CDHR1: variants seen among roughly 807,000 people sequenced by gnomAD.
The protein encoded by CDHR1 is cadherin-related family member 1.
Under a neutral mutation model 72.1 loss-of-function variants are expected in CDHR1, and 61 were observed. The ratio of observed to expected loss-of-function variants is 0.85; its 90% confidence interval spans 0.69 to 1.05. The LOEUF (loss-of-function observed/expected upper bound fraction) is 1.05, where lower values mean the gene tolerates loss of function less well. Ranked by LOEUF, CDHR1 falls within the 50% of genes least tolerant of loss-of-function variation. The pLI is 0.00. For synonymous variants in CDHR1, 470 were observed against 448.1 expected (o/e 1.05, Z -0.62); for missense variants, 1,186 against 1,115.7 (o/e 1.06, Z -0.90).
chr10:84,196,786 A>T (rs1842038036), intron 3 of CDHR1, 136 bp downstream of exon 3: 1 of 985,316 alleles, frequency 1.0e-6, no homozygotes. Flanking sequence ...AGGCACATCC[A>T]CTCTGTGAGA....
Position 84,194,669 on chromosome 10 carries a change from T to A in CDHR1, c.-92T>A. On this transcript the variant is annotated 5_prime_UTR_variant, in exon 1 of 17. Transcript: ENST00000623527. Reference sequence around the variant, plus strand: ...GCTGCAGTCGCCGCTACCCCCATTGTGGTCTCTGCCCTCCCCGCGGGCCCA... The same window carrying A: ...GCTGCAGTCGCCGCTACCCCCATTGAGGTCTCTGCCCTCCCCGCGGGCCCA... 5 of 1,014,440 alleles carry A rather than the reference T, an allele frequency of 4.9e-6. No individual in the cohort carries two copies. Among genetic ancestry groups the A allele is most frequent in the Middle Eastern group, 3.3e-4 (1 of 3,004 alleles). The allele number at this position is 1,014,440 out of a possible 1,614,324, so 62.8% of individuals were successfully genotyped here.
intron 16 of CDHR1, 139 bp downstream of exon 16, chr10:84,213,487 C>T: frequency 8.8e-7 from 1 of 1,142,242 alleles, no homozygotes. Context: ...CCTGTGCCAT[C>T]AAACACACAG....
At position 84,203,069 on chromosome 10, in the gene CDHR1, C is replaced by G. The variant is rs972006404; in HGVS notation, c.729C>G (p.Ala243=). The G allele has an allele frequency of 6.2e-7, 1 of 1,614,176 alleles. No homozygotes were observed. Among genetic ancestry groups the G allele is most frequent in the South Asian group, 1.1e-5 (1 of 91,086 alleles). ...ATGTGGAGGATGTTCAGGACATGGC[C>G]CCTGTCTTCGTGGGCACACCCTACT... ...TVNVEDVQDM[A]PVFVGTPYYG... Residue 243 remains alanine, a synonymous_variant, in exon 8 of 17, where the codon GCC becomes GCG. Transcript: ENST00000623527.
At chr10:84,199,567 T>C (rs1842086871) in intron 5 of CDHR1, among the ~76,000 whole-genome samples, 1 of 152,246 alleles carries the variant, frequency 6.6e-6, no homozygotes, top group South Asian at 2.1e-4. Flanking sequence ...TGGGTAACTA[T>C]CATTTTAATA....
chr10:84,205,417 CTCCTCTCTTTATTCCCTCCCTCCTG>C (rs1406096206), intron 9 of CDHR1, among the ~76,000 whole-genome samples: 1 of 151,904 alleles, frequency 6.6e-6, no homozygotes, highest in Non-Finnish European at 1.5e-5. Flanking sequence ...CACCCTCCCT[CTCCTCTCTTTATTCCCTCCCTCCTG>C]TCCCTTCTTT....
At chr10:84,202,103 G>T (rs1842138637) in intron 7 of CDHR1, among the ~76,000 whole-genome samples, 183 bp downstream of exon 7, 1 of 152,178 alleles carries the variant, frequency 6.6e-6, no homozygotes, top group Non-Finnish European at 1.5e-5. Context: ...GCTGGGGTCT[G>T]TGGGCTGTGG....
chr10:84,208,214 C>G lies in CDHR1; in HGVS notation c.1004C>G (p.Ala335Gly). The G allele has an allele frequency of 6.2e-7, 1 of 1,614,156 alleles. No homozygotes were observed. The highest frequency in any genetic ancestry group is 8.5e-7 in the Non-Finnish European group (1 of 1,180,020). The change falls in exon 11 of 17, where the codon GCC becomes GGC. Residue 335 changes from alanine to glycine, a missense_variant. Transcript: ENST00000623527. ...MSPAGSPAAQ[A>G]TVPVTIRIVD... The stretch of plus-strand genomic sequence containing the variant: ...CCTGCGGGGAGCCCAGCTGCCCAGG[C>G]CACCGTCCCAGTCACCATCAGGATT...
At chr10:84,201,076 A>G (rs1040395978) in intron 6 of CDHR1, among the ~76,000 whole-genome samples, 1 of 152,226 alleles carries the variant, frequency 6.6e-6, no homozygotes, top group Admixed American at 6.5e-5. Context: ...ACACAGGCCC[A>G]GAAGTCCCCT....
At chr10:84,195,083 C>T (rs754927206) in intron 1 of CDHR1, among the ~76,000 whole-genome samples, 1 of 152,344 alleles carries the variant, frequency 6.6e-6, no homozygotes, top group East Asian at 1.9e-4. Flanking sequence ...CTGCTCTCCG[C>T]TTGCTGGGAA....
intron 13 of CDHR1, among the ~76,000 whole-genome samples, chr10:84,211,398 C>T (rs1346225419): frequency 1.3e-5 from 2 of 152,202 alleles, no homozygotes; most frequent in Non-Finnish European, 2.9e-5. Flanking sequence ...GGCATGGGAC[C>T]CATCCCCTCT....
chr10:84,206,546 G>A (rs575760567), intron 10 of CDHR1, among the ~76,000 whole-genome samples: 1 of 152,316 alleles, frequency 6.6e-6, no homozygotes, highest in East Asian at 1.9e-4. Flanking sequence ...TGCAAATTAT[G>A]TAGCTGGTCC....
At position 84,214,825 on chromosome 10, in the gene CDHR1, G is replaced by A; in HGVS notation, c.*204G>A. The A allele has an allele frequency of 6.7e-7, 1 of 1,493,054 alleles. No homozygotes were observed. Among genetic ancestry groups the A allele is most frequent in the South Asian group, 1.3e-5 (1 of 74,654 alleles). 92.5% of individuals were successfully genotyped at this position (1,493,054 alleles called of 1,614,324 possible). A position where few individuals can be genotyped will look rare whatever the true frequency, so the allele number is the denominator to read the frequency against. ...GACAGGGCTCTAGTCAGGGCCTTGG[G>A]CAAGACATTGGGCTCTAGGATGCAA... On this transcript the variant is annotated 3_prime_UTR_variant, in exon 17 of 17. Coordinates refer to ENST00000623527, the MANE Select transcript of CDHR1 (RefSeq NM_033100.4).
In CDHR1 at chr10:84,211,689, T is replaced by G. The variant is rs1477733493; in HGVS notation, c.1527T>G (p.Tyr509Ter). 2 of 1,614,100 alleles carry G rather than the reference T, an allele frequency of 1.2e-6. No individual in the cohort carries two copies. The highest frequency in any genetic ancestry group is 1.7e-6 in the Non-Finnish European group (2 of 1,179,980). Reference sequence around the variant, plus strand: ...CAGGACCCTGGGGCGAAGTGAAATATTCCACCTATGGGACTGGGGCAGACC... The same window carrying G: ...CAGGACCCTGGGGCGAAGTGAAATAGTCCACCTATGGGACTGGGGCAGACC... ...PDTGPWGEVK[Y>*]STYGTGADLF... Residue 509 changes from tyrosine (Y) to a stop codon, truncating the protein, a stop_gained, in exon 14 of 17, where the codon TAT becomes TAG. Coordinates refer to ENST00000623527, the MANE Select transcript of CDHR1 (RefSeq NM_033100.4). LOFTEE classifies it high-confidence loss of function.
rs1842415741 is a variant in CDHR1, at chr10:84,215,698, T to C, written c.*1077T>C. 2.0e-6 allele frequency: 2 copies of C among 985,344 alleles called. No homozygotes were observed. The highest frequency in any genetic ancestry group is 1.7e-5 in the African/African-American group (1 of 57,238). The allele number at this position is 985,344 out of a possible 1,614,324, so 61.0% of individuals were successfully genotyped here. A position where few individuals can be genotyped will look rare whatever the true frequency, so the allele number is the denominator to read the frequency against. On this transcript the variant is annotated 3_prime_UTR_variant, in exon 17 of 17. Transcript: ENST00000623527. ...AAGCGGCATGAATGCAAAGTATTTT[T>C]CTGCAGCCCAGTTCTGTGGGTGCAG...
Position 84,203,005 on chromosome 10 carries a change from C to T in CDHR1, c.665C>T (p.Ala222Val), listed in dbSNP as rs537851141. 4.3e-6 allele frequency: 7 copies of T among 1,614,172 alleles called. No homozygotes were observed. In the African/African-American group the frequency reaches 8.0e-5, roughly 18 times the overall value. ...AKDGGGRLHG[A>V]DVVFSATTTV... is the part of the protein sequence containing the mutation. ...GATGGCGGTGGGAGGCTTCATGGGG[C>T]TGATGTGGTGTTCTCAGCCACCACC... is the stretch of plus-strand genomic sequence containing the variant. Residue 222 changes from alanine (A) to valine (V), a missense_variant, in exon 8 of 17, where the codon GCT (alanine) becomes GTT (valine). Coordinates refer to ENST00000623527, the MANE Select transcript of CDHR1 (RefSeq NM_033100.4).
In CDHR1 at chr10:84,210,990, C is replaced by G. The variant is rs753452834; in HGVS notation, c.1321-11C>G. The stretch of plus-strand genomic sequence containing the variant: ...CTACCCAGACAAGTCCCCATTTTCC[C>G]CCCTTCCCAGCTCCTGGCTGTTGAA... On this transcript the variant is annotated splice_polypyrimidine_tract_variant and intron_variant, in intron 12 of 16. Transcript: ENST00000623527. 3 of 1,614,084 alleles carry G rather than the reference C, an allele frequency of 1.9e-6. No homozygotes were observed. In the African/African-American group the frequency reaches 4.0e-5, roughly 22 times the overall value.
In CDHR1 at chr10:84,218,304, G is replaced by A; in HGVS notation, c.*3683G>A. 5.1e-6 allele frequency: 5 copies of A among 985,432 alleles called. No homozygotes were observed. The highest frequency in any genetic ancestry group is 6.0e-6 in the Non-Finnish European group (5 of 829,938). The allele number at this position is 985,432 out of a possible 1,614,324, so 61.0% of individuals were successfully genotyped here. A position where few individuals can be genotyped will look rare whatever the true frequency, so the allele number is the denominator to read the frequency against. On this transcript the variant is annotated 3_prime_UTR_variant, in exon 17 of 17. Transcript: ENST00000623527. The stretch of plus-strand genomic sequence containing the variant: ...AAGCGACCATCATTTGATCAATAAA[G>A]CAGAGTAGCAACAGGCTGATGTTGG...
At chr10:84,213,766 AG>A (rs1234953553) in intron 16 of CDHR1, among the ~76,000 whole-genome samples, 1 of 152,152 alleles carries the variant, frequency 6.6e-6, no homozygotes, top group Non-Finnish European at 1.5e-5. Context: ...TACCATCTCA[AG>A]GACAGACTCC....
chr10:84,196,745 C>T, intron 3 of CDHR1, 95 bp downstream of exon 3: 1 of 1,430,364 alleles, frequency 7.0e-7, no homozygotes, highest in Non-Finnish European at 9.8e-7. Context: ...TAGAACCTCT[C>T]CACAGAGTAG....
Sources: allele counts gnomAD v4.1 joint callset (sites outside exome capture counted in the v4.1 genomes callset), GRCh38; gene constraint gnomAD v4.1.1; transcripts MANE v1.5; gene names NCBI Gene and HGNC (gene_info 2026-07-23, HGNC 2026-07-21).